Variants in ADGRA3 observed in about 807,000 individuals in gnomAD.
ADGRA3 encodes the protein G-protein coupled receptor 125.
A neutral mutation model predicts 119.8 loss-of-function variants in ADGRA3; 56 were observed. The observed-to-expected ratio is 0.47, with a 90% confidence interval of 0.38 to 0.58. ADGRA3 has a LOEUF of 0.58. Among genes scored for constraint, ADGRA3 ranks in the 20% least tolerant of loss-of-function variants. The pLI is 0.00. For synonymous variants in ADGRA3, 607 were observed against 623.8 expected (o/e 0.97, Z 0.40); for missense variants, 1,516 against 1,649.0 (o/e 0.92, Z 1.40).
intron 16 of ADGRA3, chr4:22,394,577 A>T (rs1714276043): frequency 6.6e-6 from 1 of 152,236 alleles, no homozygotes; most frequent in South Asian, 2.1e-4. Context: ...CAATAAATTC[A>T]AAACAAATCA....
At chr4:22,459,417 T>C (rs1323417407) in intron 3 of ADGRA3, among the ~76,000 whole-genome samples, 2 of 151,704 alleles carry the variant, frequency 1.3e-5, no homozygotes, top group Non-Finnish European at 1.5e-5. Flanking sequence ...CAAACCCCCA[T>C]GGCACAAGTT....
chr4:22,475,156 T>C (rs1034339098), intron 1 of ADGRA3, among the ~76,000 whole-genome samples: 3 of 152,320 alleles, frequency 2.0e-5, no homozygotes, highest in African/African-American at 7.2e-5. Flanking sequence ...TTTCAAGTTA[T>C]GTTGACTTTA....
At chr4:22,458,885 T>A (rs960136357) in intron 3 of ADGRA3, among the ~76,000 whole-genome samples, 10 of 152,122 alleles carry the variant, frequency 6.6e-5, no homozygotes, top group African/African-American at 2.4e-4. Flanking sequence ...CAAGATCTCC[T>A]CCAGATGGCC....
chr4:22,448,810 A>G (rs935658531), intron 4 of ADGRA3, among the ~76,000 whole-genome samples: 7 of 152,186 alleles, frequency 4.6e-5, no homozygotes, highest in African/African-American at 1.7e-4. Context: ...TTCTCACAGA[A>G]TAAGTACCTA....
intron 1 of ADGRA3, among the ~76,000 whole-genome samples, chr4:22,510,885 C>G (rs1410598414): frequency 1.3e-5 from 2 of 152,200 alleles, no homozygotes; most frequent in Non-Finnish European, 2.9e-5. Context: ...TAATTGTTCC[C>G]TAAATGTCTG....
chr4:22,456,083 C>A (rs1319864221), intron 3 of ADGRA3, among the ~76,000 whole-genome samples: 1 of 152,208 alleles, frequency 6.6e-6, no homozygotes, highest in African/African-American at 2.4e-5. Context: ...CCATCCATTT[C>A]AAACTAAAAG....
chr4:22,490,120 G>A (rs1436813067), intron 1 of ADGRA3, among the ~76,000 whole-genome samples: 2 of 152,048 alleles, frequency 1.3e-5, no homozygotes, highest in Non-Finnish European at 2.9e-5. Flanking sequence ...TAAATAAAAA[G>A]GAAATAACCT....
In ADGRA3 at chr4:22,417,058, CTA is replaced by C. The variant is rs575025304; in HGVS notation, c.1810-3246_1810-3245del. On this transcript the variant is annotated intron_variant, in intron 12 of 18. Coordinates refer to ENST00000334304, the MANE Select transcript of ADGRA3 (RefSeq NM_145290.4). ...TCAAAACAATAAAATACTAATTTAT[CTA>C]TGTTTTCTTGACCACTTACTTGACT... Among the ~76,000 whole-genome samples the C allele has an allele frequency of 1.9e-3, 292 of 152,280 alleles. 2 individuals carry two copies. Among genetic ancestry groups the C allele is most frequent in the African/African-American group, 6.7e-3 (277 of 41,558 alleles).
At chr4:22,473,594 A>C (rs1453546400) in intron 2 of ADGRA3, among the ~76,000 whole-genome samples, 178 bp downstream of exon 2, 1 of 152,242 alleles carries the variant, frequency 6.6e-6, no homozygotes, top group African/African-American at 2.4e-5. Context: ...GGCCCTTTAC[A>C]GAATTTAGTT....
At chr4:22,391,557 T>C (rs1714136388) in intron 17 of ADGRA3, among the ~76,000 whole-genome samples, 1 of 152,134 alleles carries the variant, frequency 6.6e-6, no homozygotes, top group Non-Finnish European at 1.5e-5. Flanking sequence ...GGGGCTGCCC[T>C]AATAACCTCA....
intron 16 of ADGRA3, 144 bp from the exon 17 acceptor site, chr4:22,392,834 A>C: frequency 1.5e-6 from 1 of 660,354 alleles, no homozygotes. Flanking sequence ...CTGCTAAGGC[A>C]ACACTGTGTT....
intron 1 of ADGRA3, among the ~76,000 whole-genome samples, chr4:22,511,668 C>G (rs905034081): frequency 6.6e-6 from 1 of 152,168 alleles, no homozygotes; most frequent in Non-Finnish European, 1.5e-5. Context: ...GATAAAGGCT[C>G]AAACCAGGGA....
At chr4:22,441,158 T>A (rs1577350551) in intron 7 of ADGRA3, among the ~76,000 whole-genome samples, 1 of 152,092 alleles carries the variant, frequency 6.6e-6, no homozygotes, top group African/African-American at 2.4e-5. Flanking sequence ...ACTCACAATC[T>A]TATTGGCTTA....
In ADGRA3 at chr4:22,407,250, G is replaced by A. The variant is rs1024176119; in HGVS notation, c.2233-4451C>T. Among the ~76,000 whole-genome samples the A allele has an allele frequency of 3.9e-5, 6 of 152,060 alleles. No individual in the cohort carries two copies. In the East Asian group the frequency reaches 5.8e-4, roughly 15 times the overall value. The stretch of plus-strand genomic sequence containing the variant: ...CAAGCCACTGCCCTCCAGCCTGGGC[G>A]ACAGAGCAAGACTCCGCCTCAAAAA... On this transcript the variant is annotated intron_variant, in intron 14 of 18. Transcript: ENST00000334304.
At chr4:22,419,945 G>A (rs1715584232) in intron 12 of ADGRA3, 1 of 152,538 alleles carries the variant, frequency 6.6e-6, no homozygotes, top group Admixed American at 6.6e-5. Context: ...TGACCTAGTT[G>A]AGATTTTCTT....
intron 3 of ADGRA3, among the ~76,000 whole-genome samples, chr4:22,457,102 T>C (rs949743103): frequency 6.6e-6 from 1 of 152,206 alleles, no homozygotes; most frequent in African/African-American, 2.4e-5. Flanking sequence ...AACAATTTCA[T>C]TACAGCTATA....
chr4:22,477,213 T>G (rs1718080979), intron 1 of ADGRA3, among the ~76,000 whole-genome samples: 1 of 152,162 alleles, frequency 6.6e-6, no homozygotes, highest in Non-Finnish European at 1.5e-5. Context: ...TGACTGACGT[T>G]AGAAACTTCA....
chr4:22,451,866 T>A (rs1717056737), intron 4 of ADGRA3, among the ~76,000 whole-genome samples: 1 of 152,198 alleles, frequency 6.6e-6, no homozygotes, highest in Non-Finnish European at 1.5e-5. Context: ...ATCTAAGAAA[T>A]GTATTACATG....
intron 7 of ADGRA3, among the ~76,000 whole-genome samples, chr4:22,440,195 C>T (rs1716556794): frequency 6.6e-6 from 1 of 152,130 alleles, no homozygotes; most frequent in East Asian, 1.9e-4. Flanking sequence ...AGTTTTCTTA[C>T]TACTTTTTTC....
Sources: gnomAD v4.1 joint callset for allele counts (sites outside exome capture counted in the v4.1 genomes callset) on GRCh38, gnomAD v4.1.1 for gene constraint, MANE v1.5 for transcripts, NCBI Gene and HGNC (gene_info 2026-07-23, HGNC 2026-07-21) for gene names.